The following CLIC5 variants were observed in gnomAD, a reference collection of about 807,000 sequenced individuals.
CLIC5 encodes the protein CLIC family member 5, also known as chloride intracellular channel protein 5.
CLIC5 carries 20 observed loss-of-function variants against 24.7 expected under a neutral mutation model. The ratio of observed to expected loss-of-function variants is 0.81; its 90% CI spans 0.57 to 1.18. The LOEUF (loss-of-function observed/expected upper bound fraction) is 1.18. Among genes scored for constraint, CLIC5 ranks in the 50% most tolerant of loss-of-function variants. The pLI, the probability that CLIC5 is intolerant of heterozygous loss-of-function variation, is 0.00. For missense variants in CLIC5, 341 were observed against 326.1 expected (o/e 1.05, Z -0.35); for synonymous variants, 159 against 135.6 (o/e 1.17, Z -1.20).
intron 1 of CLIC5, among the ~76,000 whole-genome samples, chr6:46,027,819 G>A (rs1767382861): frequency 1.3e-5 from 2 of 152,248 alleles, no homozygotes; most frequent in South Asian, 4.2e-4. Flanking sequence ...CAGGACTTGT[G>A]GAGGATGGGA....
Position 45,975,270 on chromosome 6 carries a change from G to A in CLIC5, c.64-20026C>T, listed in dbSNP as rs563222641. ...GGACTGGAAACCCCAGCAAATTCAA[G>A]CCCACTAGCCTGCCATGTAGCAGAT... On this transcript the variant is annotated intron_variant, in intron 1 of 5. Transcript: ENST00000339561. 3.3e-5 allele frequency among the ~76,000 whole-genome samples: 5 copies of A among 152,192 alleles called. No homozygotes were observed. In the East Asian group the frequency reaches 7.7e-4, roughly 24 times the overall value.
At chr6:45,881,887 C>T (rs1302062190) in intron 6 of CLIC5, among the ~76,000 whole-genome samples, 5 of 151,978 alleles carry the variant, frequency 3.3e-5, no homozygotes, top group Non-Finnish European at 7.4e-5. Flanking sequence ...TTTGAAATGT[C>T]GAACTCGTGA....
At chr6:46,114,509 A>T in the CLIC5 span, among the ~76,000 whole-genome samples, 3 of 152,282 alleles carry the variant, frequency 2.0e-5, 1 homozygote, top group Non-Finnish European at 2.9e-5. Context: ...ACTGCAGAGC[A>T]TACTCTTACT....
At chr6:46,108,368 T>TTGTG in the CLIC5 span, among the ~76,000 whole-genome samples, 5,638 of 142,534 alleles carry the variant, frequency 0.04, 144 homozygotes, top group Non-Finnish European at 0.052. Context: ...TATCGGGTCT[T>TTGTG]TGTGTGTGTG....
the CLIC5 span, among the ~76,000 whole-genome samples, chr6:46,125,880 G>T: frequency 1.3e-5 from 2 of 152,058 alleles, no homozygotes; most frequent in African/African-American, 4.8e-5. Context: ...CTGAAACAGG[G>T]ACTCTTTCCC....
chr6:46,082,919 C>T (rs541369801), upstream of CLIC5, among the ~76,000 whole-genome samples: 5 of 152,194 alleles, frequency 3.3e-5, no homozygotes, highest in Admixed American at 1.3e-4. Context: ...CCCTATATGG[C>T]GGCGAATCTC....
chr6:45,926,228 C>CAT (rs10543677), intron 4 of CLIC5, among the ~76,000 whole-genome samples: 2,960 of 144,098 alleles, frequency 0.021, 60 homozygotes, highest in Non-Finnish European at 0.024. Flanking sequence ...CATACATATA[C>CAT]ATATATATAT....
At chr6:45,882,599 C>T (rs1353146939) in intron 6 of CLIC5, among the ~76,000 whole-genome samples, 2 of 152,226 alleles carry the variant, frequency 1.3e-5, no homozygotes, top group Admixed American at 6.5e-5. Flanking sequence ...GAGTACATTT[C>T]TTTACTGTAA....
At chr6:45,991,660 T>C (rs907642203) in intron 1 of CLIC5, among the ~76,000 whole-genome samples, 10 of 152,328 alleles carry the variant, frequency 6.6e-5, no homozygotes, top group African/African-American at 2.4e-4. Context: ...CAGGCTTGTA[T>C]TGGAGGAAGA....
At chr6:46,061,071 T>C (rs934182120) in intron 1 of CLIC5, among the ~76,000 whole-genome samples, 7 of 152,252 alleles carry the variant, frequency 4.6e-5, no homozygotes, top group Non-Finnish European at 1.0e-4. Context: ...GAATAGGCAA[T>C]AGACGAGAGG....
chr6:45,941,737 T>C (rs1764139781), intron 3 of CLIC5, 84 bp from the exon 4 acceptor site: 1 of 1,008,528 alleles, frequency 9.9e-7, no homozygotes, highest in East Asian at 2.4e-5. Context: ...TGATAAGCAA[T>C]ACTTCCCTTT....
rs113703709 is a variant in CLIC5, at chr6:45,942,643, C to A, written c.300-990G>T. 3.2e-4 allele frequency among the ~76,000 whole-genome samples: 48 copies of A among 152,276 alleles called. 1 individual carries two copies. Among genetic ancestry groups the A allele is most frequent in the African/African-American group, 1.2e-3 (48 of 41,552 alleles). ...TGCCTTACGTTTAAAAAGCAAAATCCTTTTTGTTTGTTTTGATGTTTTTGA... is the reference window on the plus strand; with the variant it reads ...TGCCTTACGTTTAAAAAGCAAAATCATTTTTGTTTGTTTTGATGTTTTTGA... On this transcript the variant is annotated intron_variant, in intron 3 of 5. Transcript: ENST00000339561.
chr6:46,000,878 A>C (rs1766331675), intron 1 of CLIC5, among the ~76,000 whole-genome samples: 1 of 152,230 alleles, frequency 6.6e-6, no homozygotes, highest in Non-Finnish European at 1.5e-5. Context: ...ACCATATCAC[A>C]GAGCCTCTTT....
chr6:46,048,762 C>T (rs566616717), intron 1 of CLIC5, among the ~76,000 whole-genome samples: 1 of 152,096 alleles, frequency 6.6e-6, no homozygotes, highest in Non-Finnish European at 1.5e-5. Context: ...GTTGGCAATG[C>T]CATCAGGTGC....
intron 1 of CLIC5, among the ~76,000 whole-genome samples, chr6:46,044,245 A>G (rs1478945864): frequency 6.6e-6 from 1 of 152,188 alleles, no homozygotes; most frequent in Non-Finnish European, 1.5e-5. Flanking sequence ...TTTTTGACTA[A>G]TAAAAAAGGA....
At position 46,070,647 on chromosome 6, in the gene CLIC5, C is replaced by A. The variant is rs180841417; in HGVS notation, c.540+9056G>T. On this transcript the variant is annotated intron_variant, in intron 1 of 5. Coordinates refer to the CLIC5 transcript ENST00000185206. ...AATATCATTAAAATGGCCATATTGC[C>A]CAAAGCAATTTATAGATTCAATGCT... 4.4e-3 allele frequency among the ~76,000 whole-genome samples: 672 copies of A among 152,082 alleles called. 3 individuals carry two copies. The highest frequency in any genetic ancestry group is 0.015 in the African/African-American group (625 of 41,464).
chr6:45,912,199 T>C (rs34208595), intron 5 of CLIC5: 66,011 of 986,650 alleles, frequency 0.067, 2,978 homozygotes, highest in African/African-American at 0.21. Flanking sequence ...TCGCTCTTTG[T>C]GAACTTTAGA....
At chr6:45,952,756 AT>A (rs1354070226) in intron 2 of CLIC5, among the ~76,000 whole-genome samples, 1 of 152,156 alleles carries the variant, frequency 6.6e-6, no homozygotes, top group Non-Finnish European at 1.5e-5. Context: ...GAACCAAACC[AT>A]CTGAAGCACG....
At chr6:46,013,942 C>T (rs1490340842) in intron 1 of CLIC5, among the ~76,000 whole-genome samples, 1 of 152,154 alleles carries the variant, frequency 6.6e-6, no homozygotes, top group Non-Finnish European at 1.5e-5. Context: ...AGAACACCCC[C>T]TTGCTGCCCT....
Sources: allele counts gnomAD v4.1 joint callset (sites outside exome capture counted in the v4.1 genomes callset), GRCh38; gene constraint gnomAD v4.1.1; transcripts MANE v1.5; gene names NCBI Gene and HGNC (gene_info 2026-07-23, HGNC 2026-07-21).